FHIP1A: variants seen among roughly 807,000 people sequenced by gnomAD.
FHIP1A encodes FHF complex subunit HOOK interacting protein 1A, also known as FHF complex subunit HOOK-interacting protein 1A.
In FHIP1A, 61 loss-of-function variants were observed where a neutral mutation model predicts 88.6. That is an observed-to-expected ratio of 0.69 (90% confidence interval 0.56 to 0.85). FHIP1A has a LOEUF of 0.85. FHIP1A is among the 40% of genes least tolerant of loss of function. FHIP1A has a pLI of 0.00. For synonymous variants in FHIP1A, 478 were observed against 496.0 expected (o/e 0.96, Z 0.48); for missense variants, 1,154 against 1,273.5 (o/e 0.91, Z 1.43).
At chr4:151,449,798 G>A (rs183986711) in intron 1 of FHIP1A, among the ~76,000 whole-genome samples, 47 of 152,244 alleles carry the variant, frequency 3.1e-4, no homozygotes, top group African/African-American at 1.1e-3. Flanking sequence ...GGTGTGTTGG[G>A]ATGGTGTTAA....
At chr4:151,411,347 A>ATTT (rs33972159) in intron 1 of FHIP1A, among the ~76,000 whole-genome samples, 4,139 of 132,188 alleles carry the variant, frequency 0.031, 126 homozygotes, top group South Asian at 0.075. Flanking sequence ...AATTATATAT[A>ATTT]TATTTTTTTT....
intron 3 of FHIP1A, among the ~76,000 whole-genome samples, chr4:151,510,368 C>A (rs1730984292): frequency 6.6e-6 from 1 of 152,192 alleles, no homozygotes; most frequent in Admixed American, 6.5e-5. Context: ...CTTGGCCTCT[C>A]AAAGTGCTGG....
At chr4:151,660,464 C>T (rs1466467775) in intron 13 of FHIP1A, among the ~76,000 whole-genome samples, 1 of 152,174 alleles carries the variant, frequency 6.6e-6, no homozygotes, top group Non-Finnish European at 1.5e-5. Flanking sequence ...GGAATACGAG[C>T]AGCTGCAGGG....
intron 2 of FHIP1A, among the ~76,000 whole-genome samples, chr4:151,465,647 C>G (rs1729283812): frequency 6.6e-6 from 1 of 152,184 alleles, no homozygotes; most frequent in Non-Finnish European, 1.5e-5. Flanking sequence ...AAACCAAATC[C>G]AGCAGCACAT....
chr4:151,518,541 T>C (rs78899868), intron 3 of FHIP1A, among the ~76,000 whole-genome samples: 3,107 of 152,144 alleles, frequency 0.02, 105 homozygotes, highest in African/African-American at 0.07. Context: ...TAGAGCAAAG[T>C]TGAAGGAATT....
At chr4:151,639,977 GAGA>G (rs983068727) in intron 9 of FHIP1A, among the ~76,000 whole-genome samples, 1 of 152,198 alleles carries the variant, frequency 6.6e-6, no homozygotes, top group Non-Finnish European at 1.5e-5. Flanking sequence ...AGAGGTTACT[GAGA>G]AGAAGACATT....
chr4:151,564,699 G>A (rs1237537255), intron 3 of FHIP1A, among the ~76,000 whole-genome samples: 3 of 152,154 alleles, frequency 2.0e-5, no homozygotes, highest in Admixed American at 2.0e-4. Flanking sequence ...AAACACACAG[G>A]CAGTTTTCCT....
At chr4:151,639,884 G>C (rs1262981431) in intron 9 of FHIP1A, among the ~76,000 whole-genome samples, 1 of 152,162 alleles carries the variant, frequency 6.6e-6, no homozygotes, top group Admixed American at 6.5e-5. Context: ...GGGGAATAAG[G>C]GTGGGTGGAG....
At chr4:151,628,028 C>T (rs1170025715) in intron 7 of FHIP1A, among the ~76,000 whole-genome samples, 2 of 152,112 alleles carry the variant, frequency 1.3e-5, no homozygotes, top group Admixed American at 6.5e-5. Flanking sequence ...AGGGGCAGAC[C>T]ATGAAAAGCA....
At chr4:151,571,271 T>G (rs1733593369) in intron 4 of FHIP1A, among the ~76,000 whole-genome samples, 1 of 152,260 alleles carries the variant, frequency 6.6e-6, no homozygotes, top group South Asian at 2.1e-4. Flanking sequence ...CTGTCTTTGC[T>G]TCTAGTTAGT....
chr4:151,544,324 A>G (rs187976586), intron 3 of FHIP1A, among the ~76,000 whole-genome samples: 4 of 152,150 alleles, frequency 2.6e-5, no homozygotes, highest in African/African-American at 9.7e-5. Context: ...ACCTTAACCC[A>G]TTGACCCCGA....
At chr4:151,604,991 T>G (rs927475704) in intron 7 of FHIP1A, among the ~76,000 whole-genome samples, 1 of 152,176 alleles carries the variant, frequency 6.6e-6, no homozygotes, top group African/African-American at 2.4e-5. Flanking sequence ...TGAAGCAGTC[T>G]AATTGGTTTT....
intron 3 of FHIP1A, among the ~76,000 whole-genome samples, chr4:151,507,156 C>T (rs1730863980): frequency 6.6e-6 from 1 of 152,154 alleles, no homozygotes; most frequent in Admixed American, 6.6e-5. Context: ...TATGGTCTCA[C>T]TCTGTCACCC....
chr4:151,536,908 T>C (rs765071725), intron 3 of FHIP1A, among the ~76,000 whole-genome samples: 1 of 152,204 alleles, frequency 6.6e-6, no homozygotes, highest in Non-Finnish European at 1.5e-5. Flanking sequence ...AGTGTCTTAC[T>C]CCGTTGCCCA....
chr4:151,545,912 A>G (rs1732484640), intron 3 of FHIP1A, among the ~76,000 whole-genome samples: 1 of 152,164 alleles, frequency 6.6e-6, no homozygotes, highest in African/African-American at 2.4e-5. Flanking sequence ...TATTCATTCA[A>G]ATATTTCTTA....
At chr4:151,509,759 TTGTGTGTG>T (rs113966280) in intron 3 of FHIP1A, among the ~76,000 whole-genome samples, 2,401 of 147,132 alleles carry the variant, frequency 0.016, 34 homozygotes, top group Non-Finnish European at 0.027. Context: ...GTCTCTATGT[TTGTGTGTG>T]TGTGTGTGTG....
chr4:151,453,086 G>A (rs1469767792), intron 1 of FHIP1A, among the ~76,000 whole-genome samples: 4 of 151,006 alleles, frequency 2.6e-5, no homozygotes, highest in Admixed American at 1.3e-4. Flanking sequence ...GCGTGATCTC[G>A]GCTCACTGCA....
chr4:151,445,334 T>C (rs1232401164), intron 1 of FHIP1A, among the ~76,000 whole-genome samples: 1 of 152,072 alleles, frequency 6.6e-6, no homozygotes, highest in Non-Finnish European at 1.5e-5. Context: ...TTCTTGTACA[T>C]CAACCAGGAA....
At chr4:151,601,151 C>G (rs988857939) in intron 7 of FHIP1A, among the ~76,000 whole-genome samples, 41 of 152,266 alleles carry the variant, frequency 2.7e-4, no homozygotes, top group Admixed American at 1.8e-3. Flanking sequence ...CTGAGGCAAC[C>G]CTTCAGAGGG....
Sources: gnomAD v4.1 joint callset for allele counts (sites outside exome capture counted in the v4.1 genomes callset) on GRCh38, gnomAD v4.1.1 for gene constraint, MANE v1.5 for transcripts, NCBI Gene and HGNC (gene_info 2026-07-23, HGNC 2026-07-21) for gene names.